The following MIS18A variants were observed in gnomAD, a reference collection of about 807,000 sequenced individuals.
MIS18A encodes the protein protein Mis18-alpha.
In MIS18A, 14 loss-of-function variants were observed where a neutral mutation model predicts 25.0. The ratio of observed to expected loss-of-function variants is 0.56; its 90% CI spans 0.37 to 0.88. The LOEUF (loss-of-function observed/expected upper bound fraction) is 0.88, where lower values mean the gene tolerates loss of function less well. Among genes scored for constraint, MIS18A ranks in the 40% least tolerant of loss-of-function variants. The pLI is 0.00. For missense variants in MIS18A, 292 were observed against 290.8 expected (o/e 1.00, Z -0.03); for synonymous variants, 134 against 118.6 (o/e 1.13, Z -0.84).
chr21:32,178,447 C>A, the MIS18A span, among the ~76,000 whole-genome samples: 1 of 152,054 alleles, frequency 6.6e-6, no homozygotes, highest in Admixed American at 6.5e-5. Context: ...GGATTCATTT[C>A]TTTTCTTCCT....
the MIS18A span, among the ~76,000 whole-genome samples, chr21:32,199,578 C>T: frequency 3.9e-5 from 6 of 152,092 alleles, no homozygotes; most frequent in Non-Finnish European, 8.8e-5. Flanking sequence ...GAGGGGGAGG[C>T]AGGCAGATCA....
At chr21:32,216,291 C>CA in the MIS18A span, among the ~76,000 whole-genome samples, 1 of 152,172 alleles carries the variant, frequency 6.6e-6, no homozygotes, top group African/African-American at 2.4e-5. Context: ...TGAAAAATCT[C>CA]AAAAACCTAG....
chr21:32,180,853 T>C, the MIS18A span, among the ~76,000 whole-genome samples: 1 of 152,314 alleles, frequency 6.6e-6, no homozygotes, highest in East Asian at 1.9e-4. Context: ...CTTCTGAACA[T>C]TGGATCTTAG....
chr21:32,261,870 G>A, the MIS18A span, among the ~76,000 whole-genome samples: 1 of 152,186 alleles, frequency 6.6e-6, no homozygotes, highest in East Asian at 1.9e-4. Context: ...TCAAGGGAGG[G>A]ACAACTGCAG....
chr21:32,195,566 C>A, the MIS18A span, among the ~76,000 whole-genome samples: 872 of 152,320 alleles, frequency 5.7e-3, 8 homozygotes, highest in African/African-American at 0.02. Flanking sequence ...CTGGACCAGA[C>A]CAATCAGGGT....
chr21:32,271,681 A>G (rs1158410288), intron 2 of MIS18A, among the ~76,000 whole-genome samples: 1 of 152,192 alleles, frequency 6.6e-6, no homozygotes, highest in African/African-American at 2.4e-5. Context: ...CCTAGCCTCA[A>G]GCAATCCTCC....
the MIS18A span, among the ~76,000 whole-genome samples, chr21:32,241,219 C>G: frequency 6.6e-6 from 1 of 152,144 alleles, no homozygotes; most frequent in African/African-American, 2.4e-5. Context: ...ACTGACTGTT[C>G]ACTTTCAGTT....
the MIS18A span, among the ~76,000 whole-genome samples, chr21:32,219,259 AT>A: frequency 6.6e-6 from 1 of 152,148 alleles, no homozygotes; most frequent in African/African-American, 2.4e-5. Context: ...TGATTTCTGC[AT>A]TTCCAACTGA....
the MIS18A span, among the ~76,000 whole-genome samples, chr21:32,235,676 G>A: frequency 2.6e-5 from 4 of 152,286 alleles, no homozygotes; most frequent in African/African-American, 9.6e-5. Flanking sequence ...ACTGGCCCCT[G>A]CAAAGGCCAA....
At chr21:32,267,105 T>C (rs1325524940), downstream of MIS18A, among the ~76,000 whole-genome samples, 1 of 152,162 alleles carries the variant, frequency 6.6e-6, no homozygotes, top group Non-Finnish European at 1.5e-5. Context: ...CTCCTGCCAG[T>C]GTCACCATGC....
the MIS18A span, among the ~76,000 whole-genome samples, chr21:32,249,703 T>C: frequency 3.3e-5 from 5 of 151,982 alleles, no homozygotes; most frequent in African/African-American, 1.2e-4. Context: ...CTTCCACACA[T>C]AGGGGAAGGG....
chr21:32,256,228 C>T, the MIS18A span, among the ~76,000 whole-genome samples: 1 of 152,154 alleles, frequency 6.6e-6, no homozygotes, highest in African/African-American at 2.4e-5. Context: ...ATTGACTGGG[C>T]CACCCCAAAT....
the MIS18A span, among the ~76,000 whole-genome samples, chr21:32,236,081 A>T: frequency 7.4e-5 from 3 of 40,672 alleles, no homozygotes; most frequent in African/African-American, 4.9e-4. Context: ...ATTTAAAATA[A>T]AAAAAAGAGT....
chr21:32,274,905 A>G lies in MIS18A; in HGVS notation c.335-9T>C. 1 of 1,603,330 alleles carries G rather than the reference A, an allele frequency of 6.2e-7. No individual in the cohort carries two copies. Among genetic ancestry groups the G allele is most frequent in the Non-Finnish European group, 8.5e-7 (1 of 1,171,930 alleles). ...AACATTACAGGAAACACCTAGAAAC[A>G]GAGAAAGTAACAATAATTTATTAAT... On this transcript the variant is annotated splice_polypyrimidine_tract_variant and intron_variant, in intron 1 of 4. Transcript: ENST00000290130.
At chr21:32,212,355 C>A in the MIS18A span, among the ~76,000 whole-genome samples, 1 of 152,210 alleles carries the variant, frequency 6.6e-6, no homozygotes, top group Admixed American at 6.5e-5. Context: ...TAGCAGCTCA[C>A]TGCCTCCATC....
At chr21:32,267,215 G>A (rs1223522712), downstream of MIS18A, among the ~76,000 whole-genome samples, 4 of 152,232 alleles carry the variant, frequency 2.6e-5, no homozygotes, top group Non-Finnish European at 5.9e-5. Context: ...ACAGGTTGAG[G>A]CCAAAGATGA....
At chr21:32,203,563 CTA>C in the MIS18A span, among the ~76,000 whole-genome samples, 1 of 139,750 alleles carries the variant, frequency 7.2e-6, no homozygotes, top group East Asian at 2.1e-4. Flanking sequence ...ACCTAGCAAT[CTA>C]TATCTAGCTA....
At chr21:32,216,471 A>G in the MIS18A span, among the ~76,000 whole-genome samples, 1 of 152,344 alleles carries the variant, frequency 6.6e-6, no homozygotes, top group Middle Eastern at 3.4e-3. Flanking sequence ...TTTTCTTCAG[A>G]GGATATTTGT....
At chr21:32,167,970 T>C in the MIS18A span, among the ~76,000 whole-genome samples, 1 of 152,202 alleles carries the variant, frequency 6.6e-6, no homozygotes, top group East Asian at 1.9e-4. Flanking sequence ...ATTCTCATGG[T>C]GAAGCCCTAG....
Sources: allele counts gnomAD v4.1 joint callset (sites outside exome capture counted in the v4.1 genomes callset), GRCh38; gene constraint gnomAD v4.1.1; transcripts MANE v1.5; gene names NCBI Gene and HGNC (gene_info 2026-07-23, HGNC 2026-07-21).